Variants in WDR48 observed in about 807,000 individuals in gnomAD.
WDR48 encodes WD repeat domain 48.
WDR48 carries 22 observed loss-of-function variants against 94.0 expected under a neutral mutation model. The observed-to-expected ratio is 0.23, with a 90% CI of 0.17 to 0.33. The LOEUF is 0.33. Ranked by LOEUF, WDR48 falls within the 10% of genes least tolerant of loss-of-function variation. The pLI, the probability that WDR48 is intolerant of heterozygous loss-of-function variation, is 1.00. For missense variants in WDR48, 541 were observed against 813.8 expected (o/e 0.66, Z 4.08); for synonymous variants, 278 against 280.5 (o/e 0.99, Z 0.09).
rs1177148864 is a variant in WDR48, at chr3:39,089,088, A to C, written c.1581-143A>C. ...TTTTAGCTGAGTGAGTCATTCTTCC[A>C]GGCTGTACTTTTATTTCCTCAGCTG... On this transcript the variant is annotated intron_variant, in intron 15 of 18. Coordinates refer to ENST00000302313, the MANE Select transcript of WDR48 (RefSeq NM_020839.4). 7.3e-6 allele frequency: 5 copies of C among 682,014 alleles called. No individual in the cohort carries two copies. In the East Asian group the frequency reaches 8.4e-5, roughly 11 times the overall value. The allele number at this position is 682,014 out of a possible 1,614,324, so 42.2% of individuals were successfully genotyped here.
At chr3:39,054,949 T>C (rs1376633310) in intron 1 of WDR48, among the ~76,000 whole-genome samples, 2 of 152,236 alleles carry the variant, frequency 1.3e-5, no homozygotes, top group East Asian at 3.8e-4. Flanking sequence ...TGATTATAGA[T>C]AAGACAGGAC....
At chr3:39,067,616 T>C (rs2125649294) in intron 5 of WDR48, among the ~76,000 whole-genome samples, 1 of 152,346 alleles carries the variant, frequency 6.6e-6, no homozygotes, top group Non-Finnish European at 1.5e-5. Context: ...TGGCTAGGCC[T>C]GACCTGGAAA....
intron 5 of WDR48, 117 bp from the exon 6 acceptor site, chr3:39,068,654 C>T: frequency 4.8e-6 from 3 of 621,404 alleles, no homozygotes; most frequent in African/African-American, 1.8e-5. Flanking sequence ...GATTTCTTTT[C>T]CGTAGAGGAC....
intron 11 of WDR48, among the ~76,000 whole-genome samples, chr3:39,083,593 A>G (rs373731316): frequency 4.0e-5 from 6 of 151,074 alleles, no homozygotes; most frequent in African/African-American, 1.4e-4. Context: ...GATAATGGGG[A>G]AGGTGGCAAG....
chr3:39,090,456 G>C (rs1363304231), intron 16 of WDR48: 3 of 152,054 alleles, frequency 2.0e-5, no homozygotes, highest in Non-Finnish European at 4.4e-5. Flanking sequence ...ATCCTTGATG[G>C]CTCTTAGTTT....
intron 2 of WDR48, 64 bp downstream of exon 2, chr3:39,063,254 T>C (rs1322998717): frequency 2.5e-6 from 4 of 1,575,804 alleles, no homozygotes; most frequent in Non-Finnish European, 3.5e-6. Context: ...CTGTCTAATA[T>C]GACACTTTTC....
intron 11 of WDR48, among the ~76,000 whole-genome samples, chr3:39,083,646 CAG>C (rs1445832322): frequency 1.3e-5 from 2 of 152,168 alleles, no homozygotes; most frequent in Non-Finnish European, 2.9e-5. Flanking sequence ...GACTGCAAGA[CAG>C]TGACCCCAGG....
chr3:39,067,229 T>C (rs1215143541), intron 5 of WDR48, among the ~76,000 whole-genome samples: 2 of 152,224 alleles, frequency 1.3e-5, no homozygotes. Context: ...GCAGGTATTA[T>C]TGAAGGAGGT....
intron 3 of WDR48, 49 bp downstream of exon 3, chr3:39,065,938 T>G (rs958530800): frequency 7.0e-7 from 1 of 1,430,304 alleles, no homozygotes. Flanking sequence ...ATTTTTTGTT[T>G]TTTATATAAG....
intron 1 of WDR48, among the ~76,000 whole-genome samples, chr3:39,057,138 A>G (rs2032941059): frequency 6.6e-6 from 1 of 152,244 alleles, no homozygotes; most frequent in South Asian, 2.1e-4. Flanking sequence ...AGATAGCCTT[A>G]CAGTCACAAC....
chr3:39,057,144 A>G (rs553217131), intron 1 of WDR48, among the ~76,000 whole-genome samples: 1 of 152,370 alleles, frequency 6.6e-6, no homozygotes, highest in East Asian at 1.9e-4. Flanking sequence ...CCTTACAGTC[A>G]CAACAATATA....
In WDR48 at chr3:39,089,318, T is replaced by G. The variant is rs532352030; in HGVS notation, c.1668T>G (p.Asp556Glu). 8.7e-6 allele frequency: 14 copies of G among 1,611,736 alleles called. No homozygotes were observed. The South Asian group carries it at 1.5e-4, about 18-fold the overall frequency. The change falls in exon 16 of 19, where the codon GAT (aspartate) becomes GAG (glutamate). Residue 556 changes from aspartate to glutamate, a missense_variant and splice_region_variant. Physicochemically the swap from Asp to Glu is conservative, Grantham distance 45. This residue lies in a region of WDR48 where 109 missense variants were observed against 195.5 expected (regional missense o/e 0.56). Transcript: ENST00000302313. ...AATGGGTAATTGACATCACTGTGGATGTAAGTATCCTCCACTCCCACTTTG... is the reference window on the plus strand; with the variant it reads ...AATGGGTAATTGACATCACTGTGGAGGTAAGTATCCTCCACTCCCACTTTG... ...VPQWVIDITV[D>E]KNMPKFNKIP... is the part of the protein sequence containing the mutation.
intron 7 of WDR48, among the ~76,000 whole-genome samples, chr3:39,071,149 T>C (rs1446495946): frequency 6.6e-6 from 1 of 152,180 alleles, no homozygotes; most frequent in East Asian, 1.9e-4. Flanking sequence ...ACATACAGGA[T>C]AGGATTTCAC....
chr3:39,056,374 GA>G (rs1364210039), intron 1 of WDR48, among the ~76,000 whole-genome samples: 1 of 152,196 alleles, frequency 6.6e-6, no homozygotes, highest in African/African-American at 2.4e-5. Context: ...AAAGAGCAAA[GA>G]AAACAGAGAT....
At chr3:39,065,034 A>G (rs577804268) in intron 2 of WDR48, among the ~76,000 whole-genome samples, 9 of 152,284 alleles carry the variant, frequency 5.9e-5, no homozygotes, top group African/African-American at 2.2e-4. Context: ...TCCTTTTATG[A>G]CAAGATTGAA....
rs1010330091 is a variant in WDR48, at chr3:39,063,087, A to G, written c.86A>G (p.Asn29Ser). Residue 29 changes from asparagine to serine, a missense_variant, in exon 2 of 19, where the codon AAC (asparagine) becomes AGC (serine). Asn to Ser is a conservative substitution (Grantham distance 46). Around this residue, in one of 5 missense-constraint regions of WDR48, gnomAD observed 90 missense variants for 122.3 expected, o/e 0.74. Coordinates refer to ENST00000302313, the MANE Select transcript of WDR48 (RefSeq NM_020839.4). ...ATTCGAGATGAAGTGGAGAAGTACA[A>G]CCGAAATGGAGTCAATGCTCTGCAG... ...YVIRDEVEKY[N>S]RNGVNALQLD... 6.2e-7 allele frequency: 1 copy of G among 1,614,142 alleles called. No individual in the cohort carries two copies. The highest frequency in any genetic ancestry group is 8.5e-7 in the Non-Finnish European group (1 of 1,179,996).
Position 39,060,528 on chromosome 3 carries a change from T to G in WDR48, c.49-2522T>G, listed in dbSNP as rs993643429. Among the ~76,000 whole-genome samples, 6 of 152,254 alleles carry G rather than the reference T, an allele frequency of 3.9e-5. No individual in the cohort carries two copies. The East Asian group carries it at 1.2e-3, about 29-fold the overall frequency. On this transcript the variant is annotated intron_variant, in intron 1 of 18. Coordinates refer to ENST00000302313, the MANE Select transcript of WDR48 (RefSeq NM_020839.4). ...TGTAACATTATTGTGAATGCCACAA[T>G]GCTGTGAACATTCTTGTACATAGAA... is the stretch of plus-strand genomic sequence containing the variant.
rs1198207678 is a variant in WDR48 at position 39,074,772 on chromosome 3, G to A, written c.719G>A (p.Gly240Asp). ...GGGACAATTCGCCTTTGGTCCCTTG[G>A]CCAGCAGAGATGTATAGCAACATAC... ...SDGTIRLWSL[G>D]QQRCIATYRV... Residue 240 changes from glycine to aspartate, a missense_variant, in exon 8 of 19, where the codon GGC becomes GAC. Gly to Asp is a moderately conservative substitution (Grantham distance 94). Transcript: ENST00000302313. The A allele has an allele frequency of 6.2e-7, 1 of 1,614,202 alleles. No homozygotes were observed. The highest frequency in any genetic ancestry group is 2.2e-5 in the East Asian group (1 of 44,880).
Position 39,094,790 on chromosome 3 carries a change from G to A in WDR48, c.*47G>A. 6.2e-7 allele frequency: 1 copy of A among 1,609,506 alleles called. No homozygotes were observed. The highest frequency in any genetic ancestry group is 8.5e-7 in the Non-Finnish European group (1 of 1,178,274). On this transcript the variant is annotated 3_prime_UTR_variant, in exon 19 of 19. Transcript: ENST00000302313. ...ATATTCATTTACGACCTTCCTCTAT[G>A]GCCCCAAGAGTAGTCCTAGGAAGCC...
Sources: gnomAD v4.1 joint callset for allele counts (sites outside exome capture counted in the v4.1 genomes callset) on GRCh38, gnomAD v4.1.1 for gene constraint, gnomAD v4.1.1 regional missense constraint, MANE v1.5 for transcripts, NCBI Gene and HGNC (gene_info 2026-07-23, HGNC 2026-07-21) for gene names.